PAPOLA: variants seen among roughly 807,000 people sequenced by gnomAD.
PAPOLA encodes the protein polynucleotide adenylyltransferase alpha.
Under a neutral mutation model 100.6 loss-of-function variants are expected in PAPOLA, and 15 were observed. The observed-to-expected ratio is 0.15, with a 90% CI of 0.10 to 0.23. PAPOLA has a LOEUF of 0.23. Ranked by LOEUF, PAPOLA falls within the 10% of genes least tolerant of loss-of-function variation. The pLI, the probability that PAPOLA is intolerant of heterozygous loss-of-function variation, is 1.00. For missense variants in PAPOLA, 533 were observed against 884.2 expected (o/e 0.60, Z 5.04); for synonymous variants, 293 against 300.0 (o/e 0.98, Z 0.24).
chr14:96,513,355 C>A (rs1457191088), intron 1 of PAPOLA, among the ~76,000 whole-genome samples: 3 of 152,112 alleles, frequency 2.0e-5, no homozygotes, highest in African/African-American at 7.2e-5. Flanking sequence ...AGGTCTGAGC[C>A]GCTGCACCAG....
chr14:96,527,898 G>C (rs539292837), intron 5 of PAPOLA, 55 bp from the exon 6 acceptor site: 10 of 1,224,508 alleles, frequency 8.2e-6, no homozygotes, highest in Non-Finnish European at 1.2e-5. Context: ...ACTAAAACTA[G>C]TAGAGGCTTA....
At chr14:96,533,399 T>C (rs1157712090) in intron 9 of PAPOLA, 2 of 982,324 alleles carry the variant, frequency 2.0e-6, no homozygotes, top group Admixed American at 6.2e-5. Context: ...AAATTAGTTA[T>C]TTGAGACAAT....
chr14:96,536,171 T>A (rs1899509628), intron 11 of PAPOLA, among the ~76,000 whole-genome samples, 172 bp downstream of exon 11: 1 of 152,146 alleles, frequency 6.6e-6, no homozygotes, highest in South Asian at 2.1e-4. Flanking sequence ...AATTAATTCC[T>A]TTTAGGCAAT....
At chr14:96,526,500 T>C (rs1364339459) in intron 4 of PAPOLA, 1 of 152,278 alleles carries the variant, frequency 6.6e-6, no homozygotes, top group African/African-American at 2.4e-5. Flanking sequence ...GCCTGGCTAA[T>C]TTTTTAATTT....
intron 12 of PAPOLA, among the ~76,000 whole-genome samples, chr14:96,538,420 AGCTT>A (rs1566854213): frequency 6.6e-6 from 1 of 152,002 alleles, no homozygotes; most frequent in African/African-American, 2.4e-5. Context: ...CTTTTTCTAA[AGCTT>A]GCTTAATGTT....
chr14:96,562,085 G>A (rs1901899347), intron 20 of PAPOLA, among the ~76,000 whole-genome samples: 1 of 151,802 alleles, frequency 6.6e-6, no homozygotes, highest in Non-Finnish European at 1.5e-5. Flanking sequence ...GTAGAGATGG[G>A]GTTTCACCAT....
chr14:96,540,667 T>C (rs1899908542), intron 12 of PAPOLA, among the ~76,000 whole-genome samples: 1 of 152,198 alleles, frequency 6.6e-6, no homozygotes, highest in Non-Finnish European at 1.5e-5. Context: ...AAAGGAAGTA[T>C]TGGTTTGTAG....
At chr14:96,562,014 C>A (rs1177872974) in intron 20 of PAPOLA, among the ~76,000 whole-genome samples, 1 of 151,936 alleles carries the variant, frequency 6.6e-6, no homozygotes, top group Non-Finnish European at 1.5e-5. Context: ...TCTGCCTCAG[C>A]CTCCCGAGTA....
At chr14:96,535,858 A>G in intron 10 of PAPOLA, 21 bp from the exon 11 acceptor site, 1 of 1,531,050 alleles carries the variant, frequency 6.5e-7, no homozygotes, top group Non-Finnish European at 8.8e-7. Context: ...GAAGAAACTG[A>G]TTGGCTGTTG....
rs1902255053 is a variant in PAPOLA, at chr14:96,566,161, G to A, written c.*1111G>A. ...TTCAGTTTTAAATGTGGGCAAAAAG[G>A]CATTTTCTCCAAGATTTTAAAACTA... is the stretch of plus-strand genomic sequence containing the variant. On this transcript the variant is annotated 3_prime_UTR_variant, in exon 22 of 22. Transcript: ENST00000216277. 2.6e-6 allele frequency: 1 copy of A among 377,566 alleles called. No homozygotes were observed. The highest frequency in any genetic ancestry group is 4.7e-6 in the Non-Finnish European group (1 of 212,610). 23.4% of individuals were successfully genotyped at this position (377,566 alleles called of 1,614,324 possible).
At chr14:96,502,785 T>A in intron 1 of PAPOLA, 185 bp downstream of exon 1, 2 of 595,740 alleles carry the variant, frequency 3.4e-6, no homozygotes, top group Non-Finnish European at 5.4e-6. Context: ...CCCCGTGTGC[T>A]GGGTTCCCGC....
rs892917494 is a variant in PAPOLA at position 96,534,211 on chromosome 14, A to G, written c.837-280A>G. On this transcript the variant is annotated intron_variant, in intron 9 of 21. Transcript: ENST00000216277. ...GAAGTGGACACATCATTATCTTGGG[A>G]TGGTACTTCTTTATTTAAATAGTCC... 1.8e-5 allele frequency: 22 copies of G among 1,224,962 alleles called. No homozygotes were observed. The African/African-American group carries it at 3.4e-4, about 19-fold the overall frequency. 75.9% of individuals were successfully genotyped at this position (1,224,962 alleles called of 1,614,324 possible).
chr14:96,556,148 GTA>G, intron 18 of PAPOLA, 25 bp from the exon 19 acceptor site: 1 of 1,538,982 alleles, frequency 6.5e-7, no homozygotes, highest in Non-Finnish European at 9.0e-7. Flanking sequence ...ATTTTAATTT[GTA>G]TATACTCATA....
At chr14:96,520,366 A>G (rs1458169373) in intron 2 of PAPOLA, 138 bp downstream of exon 2, 5 of 655,628 alleles carry the variant, frequency 7.6e-6, no homozygotes, top group Non-Finnish European at 1.2e-5. Context: ...GAGAAGAGGG[A>G]TACTTAAGAG....
chr14:96,530,478 C>T (rs1173284198), intron 6 of PAPOLA, among the ~76,000 whole-genome samples: 3 of 151,798 alleles, frequency 2.0e-5, no homozygotes, highest in Middle Eastern at 3.4e-3. Flanking sequence ...CCTCAACCTC[C>T]TGGGCTCAAG....
intron 9 of PAPOLA, 121 bp from the exon 10 acceptor site, chr14:96,534,367 CGTT>C (rs1358654013): frequency 3.9e-5 from 58 of 1,490,228 alleles, no homozygotes; most frequent in African/African-American, 1.4e-4. Context: ...AGGATTAAAA[CGTT>C]GTATGTACCA....
Position 96,565,027 on chromosome 14 carries a change from A to G in PAPOLA, c.2215A>G (p.Ile739Val). The G allele has an allele frequency of 1.3e-6, 2 of 1,590,596 alleles. No homozygotes were observed. Among genetic ancestry groups the G allele is most frequent in the Non-Finnish European group, 1.7e-6 (2 of 1,158,800 alleles). ...TCCTATTCCTGTTATCAAGAATTCA[A>G]TAAAACTGAGATTGAATCGGTAAAA... ...ANPIPVIKNS[I>V]KLRLNR The change falls in exon 22 of 22, where the codon ATA (isoleucine) becomes GTA (valine). Residue 739 changes from isoleucine (I) to valine (V), a missense_variant. Physicochemically the swap from Ile to Val is conservative, Grantham distance 29. Around this residue, in one of 9 missense-constraint regions of PAPOLA, gnomAD observed 242 missense variants for 281.0 expected, o/e 0.86. Coordinates refer to ENST00000216277, the MANE Select transcript of PAPOLA (RefSeq NM_032632.5).
At chr14:96,536,475 A>G (rs1284919197) in intron 11 of PAPOLA, among the ~76,000 whole-genome samples, 1 of 152,066 alleles carries the variant, frequency 6.6e-6, no homozygotes, top group Non-Finnish European at 1.5e-5. Context: ...AAATAACTGG[A>G]ACAGATTGGT....
intron 9 of PAPOLA, chr14:96,533,016 A>G (rs952618900): frequency 2.3e-5 from 23 of 985,802 alleles, no homozygotes; most frequent in African/African-American, 8.7e-5. Flanking sequence ...TCTATAGGCC[A>G]TTAGTTTCTT....
Sources: gnomAD v4.1 joint callset for allele counts (sites outside exome capture counted in the v4.1 genomes callset) on GRCh38, gnomAD v4.1.1 for gene constraint, gnomAD v4.1.1 regional missense constraint, MANE v1.5 for transcripts, NCBI Gene and HGNC (gene_info 2026-07-23, HGNC 2026-07-21) for gene names.